PDXDC1: variants seen among roughly 807,000 people sequenced by gnomAD.
The protein encoded by PDXDC1 is pyridoxal-dependent decarboxylase domain-containing protein 1.
In PDXDC1, 42 loss-of-function variants were observed where a neutral mutation model predicts 100.1. The observed-to-expected ratio is 0.42, with a 90% CI of 0.33 to 0.54. The LOEUF is 0.54. PDXDC1 is among the 20% of genes least tolerant of loss of function. The pLI, the probability that PDXDC1 is intolerant of heterozygous loss-of-function variation, is 0.10. For missense variants in PDXDC1, 636 were observed against 979.2 expected, an observed-to-expected ratio of 0.65 and a Z score of 4.68; for synonymous variants, 260 against 371.7, an observed-to-expected ratio of 0.70 and a Z score of 3.46.
At chr16:15,150,169 C>A in the PDXDC1 span, among the ~76,000 whole-genome samples, 3 of 151,488 alleles carry the variant, frequency 2.0e-5, no homozygotes, top group Admixed American at 6.6e-5. Flanking sequence ...ACGGTGAAAC[C>A]CCGTCTCTAC....
intron 16 of PDXDC1, chr16:15,074,932 A>C (rs1389746215): frequency 1.4e-6 from 2 of 1,401,902 alleles, no homozygotes; most frequent in East Asian, 4.8e-5. Flanking sequence ...GAAAACTGTC[A>C]TAAGTGATTA....
At chr16:15,144,516 A>C in the PDXDC1 span, among the ~76,000 whole-genome samples, 2 of 151,998 alleles carry the variant, frequency 1.3e-5, no homozygotes, top group Non-Finnish European at 2.9e-5. Flanking sequence ...CCTCTGATAG[A>C]GGACGAGGCT....
At chr16:15,049,915 G>A (rs2044231666) in intron 16 of PDXDC1, among the ~76,000 whole-genome samples, 1 of 152,180 alleles carries the variant, frequency 6.6e-6, no homozygotes, top group Non-Finnish European at 1.5e-5. Context: ...AGCTATAAAT[G>A]TGCCATAATA....
intron 16 of PDXDC1, among the ~76,000 whole-genome samples, chr16:15,072,040 G>T (rs1170348837): frequency 1.3e-5 from 2 of 152,106 alleles, no homozygotes; most frequent in Non-Finnish European, 2.9e-5. Flanking sequence ...AGTTAATTAT[G>T]CCAATCATGG....
At chr16:15,068,549 T>C (rs909567294) in intron 16 of PDXDC1, among the ~76,000 whole-genome samples, 4 of 152,148 alleles carry the variant, frequency 2.6e-5, no homozygotes, top group Non-Finnish European at 4.4e-5. Flanking sequence ...AATGTGAAAT[T>C]CATATGTTTG....
intron 16 of PDXDC1, among the ~76,000 whole-genome samples, chr16:15,090,873 G>GTTTTTTTTTTTT (rs4012873): frequency 2.3e-5 from 3 of 128,192 alleles, no homozygotes; most frequent in Non-Finnish European, 1.7e-5. Flanking sequence ...TCAGTGGTTT[G>GTTTTTTTTTTTT]TTTTTTTTTT....
At chr16:15,048,301 C>T (rs924362325) in intron 16 of PDXDC1, among the ~76,000 whole-genome samples, 2 of 152,268 alleles carry the variant, frequency 1.3e-5, no homozygotes, top group Non-Finnish European at 2.9e-5. Context: ...CGGTTCTGCG[C>T]GGTGGTTTTT....
At chr16:15,013,332 G>C (rs1811382152) in intron 8 of PDXDC1, among the ~76,000 whole-genome samples, 1 of 132,906 alleles carries the variant, frequency 7.5e-6, no homozygotes, top group African/African-American at 2.7e-5. Flanking sequence ...CTGGGCGACA[G>C]AGTGAGACCC....
Position 15,125,645 on chromosome 16 carries a change from C to A in PDXDC1, c.1400-13234C>A, listed in dbSNP as rs775143789. The A allele has an allele frequency of 1.1e-5, 13 of 1,227,768 alleles. No individual in the cohort carries two copies. The Admixed American group carries it at 1.7e-4, about 16-fold the overall frequency. 76.1% of individuals were successfully genotyped at this position (1,227,768 alleles called of 1,614,324 possible). On this transcript the variant is annotated intron_variant, in intron 16 of 16. Transcript: ENST00000535621. Reference sequence around the variant, plus strand: ...GTCTGGAGTCCAAGCTGCGCCAAGGCGGCAGGACCCCCAGCCCAGCCCAGG... The same window carrying A: ...GTCTGGAGTCCAAGCTGCGCCAAGGAGGCAGGACCCCCAGCCCAGCCCAGG...
Position 15,038,304 on chromosome 16 carries a change from TATATATAATA to T in PDXDC1, c.*2031_*2040del, listed in dbSNP as rs1025976066. The T allele has an allele frequency of 6.8e-6, 6 of 883,150 alleles. No homozygotes were observed. Among genetic ancestry groups the T allele is most frequent in the Non-Finnish European group, 1.0e-5 (6 of 574,760 alleles). 54.7% of individuals were successfully genotyped at this position (883,150 alleles called of 1,614,324 possible). On this transcript the variant is annotated 3_prime_UTR_variant, in exon 23 of 23. Coordinates refer to ENST00000396410, the MANE Select transcript of PDXDC1 (RefSeq NM_015027.4). ...AAGTATCTTTGTTCTTGGACACAAA[TATATATAATA>T]AAATACGTTAAGAAATGAGGTGGCC...
chr16:15,036,661 TCTGCA>T lies in PDXDC1; in HGVS notation c.*387_*391del. ...CTTTTCATTAGCACTCTCCAGGTTC[TCTGCA>T]ACACTTCACAGAGGCGAGACTGGCT... On this transcript the variant is annotated 3_prime_UTR_variant, in exon 23 of 23. Coordinates refer to ENST00000396410, the MANE Select transcript of PDXDC1 (RefSeq NM_015027.4). 2.3e-5 allele frequency: 5 copies of T among 221,290 alleles called. No homozygotes were observed. Among genetic ancestry groups the T allele is most frequent in the Admixed American group, 1.0e-4 (2 of 19,370 alleles). The allele number at this position is 221,290 out of a possible 1,614,324, so 13.7% of individuals were successfully genotyped here.
At chr16:15,128,194 G>T (rs765744299) in intron 16 of PDXDC1, 40 of 1,610,484 alleles carry the variant, frequency 2.5e-5, no homozygotes, top group Admixed American at 2.2e-4. Context: ...GGGGCAGAGG[G>T]GCAGAGCTTG....
chr16:15,066,774 G>A (rs1448444939), intron 16 of PDXDC1, among the ~76,000 whole-genome samples: 3 of 151,198 alleles, frequency 2.0e-5, no homozygotes, highest in Admixed American at 6.6e-5. Context: ...AAAGCATCAA[G>A]CAGGCAAAAG....
intron 16 of PDXDC1, among the ~76,000 whole-genome samples, chr16:15,082,666 G>A (rs552403803): frequency 6.6e-6 from 1 of 150,804 alleles, no homozygotes; most frequent in Admixed American, 6.6e-5. Flanking sequence ...GACGGAGACT[G>A]TCCCCCCACC....
chr16:15,055,299 T>C (rs1048637548), intron 16 of PDXDC1, among the ~76,000 whole-genome samples: 25 of 152,284 alleles, frequency 1.6e-4, no homozygotes, highest in African/African-American at 6.0e-4. Context: ...AACCCGTGCA[T>C]CAGGGCGTGG....
At chr16:15,039,367 G>A (rs915122623), downstream of PDXDC1, among the ~76,000 whole-genome samples, 2 of 152,064 alleles carry the variant, frequency 1.3e-5, no homozygotes, top group African/African-American at 4.8e-5. Context: ...GATTTCTTTG[G>A]GGTGGCCTGA....
intron 16 of PDXDC1, chr16:15,135,094 T>C (rs1376201406): frequency 6.4e-6 from 4 of 621,540 alleles, no homozygotes; most frequent in Non-Finnish European, 8.8e-6. Flanking sequence ...GAAGACTGTA[T>C]GTGGAACTGT....
At chr16:14,977,572 C>T (rs1205032851) in intron 1 of PDXDC1, among the ~76,000 whole-genome samples, 2 of 152,288 alleles carry the variant, frequency 1.3e-5, no homozygotes, top group African/African-American at 4.8e-5. Flanking sequence ...GCCACTGCAC[C>T]TGGCCGGGAC....
intron 16 of PDXDC1, among the ~76,000 whole-genome samples, chr16:15,079,817 G>A (rs530718059): frequency 1.9e-3 from 288 of 152,160 alleles, no homozygotes; most frequent in African/African-American, 4.9e-3. Context: ...GGCTGGTCTC[G>A]AACTCCTGAC....
Sources: gnomAD v4.1 joint callset for allele counts (sites outside exome capture counted in the v4.1 genomes callset) on GRCh38, gnomAD v4.1.1 for gene constraint, MANE v1.5 for transcripts, NCBI Gene and HGNC (gene_info 2026-07-23, HGNC 2026-07-21) for gene names.